The following HSPA12A variants were observed in gnomAD, a reference collection of about 807,000 sequenced individuals.
HSPA12A encodes heat shock protein family A (Hsp70) member 12A.
Under a neutral mutation model 69.2 loss-of-function variants are expected in HSPA12A, and 28 were observed. The observed-to-expected ratio is 0.40, with a 90% CI of 0.30 to 0.55. The LOEUF (loss-of-function observed/expected upper bound fraction) is 0.55. Among genes scored for constraint, HSPA12A ranks in the 20% least tolerant of loss-of-function variants. The probability of loss-of-function intolerance (pLI) is 0.38; values close to 1 mark genes in which losing one functional copy is unlikely to be tolerated. For synonymous variants in HSPA12A, 345 were observed against 370.5 expected, an observed-to-expected ratio of 0.93 and a Z score of 0.79; for missense variants, 686 against 900.7, an observed-to-expected ratio of 0.76 and a Z score of 3.05.
chr10:116,684,962 C>T (rs924297615), intron 6 of HSPA12A, among the ~76,000 whole-genome samples: 1 of 152,226 alleles, frequency 6.6e-6, no homozygotes, highest in South Asian at 2.1e-4. Flanking sequence ...TCCCTGGCAC[C>T]TCTCATGGCC....
upstream of HSPA12A, among the ~76,000 whole-genome samples, chr10:116,745,355 C>T (rs1048102467): frequency 2.6e-5 from 4 of 152,298 alleles, no homozygotes; most frequent in South Asian, 2.1e-4. Flanking sequence ...TCTCAGGGCA[C>T]GCCCAGACTC....
intron 2 of HSPA12A, among the ~76,000 whole-genome samples, chr10:116,800,470 A>G (rs1844931519): frequency 6.6e-6 from 1 of 152,104 alleles, no homozygotes; most frequent in Non-Finnish European, 1.5e-5. Context: ...CAGGGGTCTC[A>G]GCTCTCCCCG....
chr10:116,756,110 A>G (rs1484076953), intron 2 of HSPA12A, among the ~76,000 whole-genome samples: 10 of 152,218 alleles, frequency 6.6e-5, no homozygotes, highest in African/African-American at 2.4e-4. Context: ...CAGTTGTGCT[A>G]AGGTGGAGGG....
rs60912684 is a variant in HSPA12A at position 116,811,579 on chromosome 10, T to TA, written c.91+23355dup. ...AACTTGGATTCCTCTTTGCTTTTGT[T>TA]AAAAAAAAAAAAAAAAAAAAAAAAA... is the stretch of plus-strand genomic sequence containing the variant. On this transcript the variant is annotated intron_variant, in intron 2 of 12. Transcript: ENST00000635765. Among the ~76,000 whole-genome samples, 935 of 105,936 alleles carry TA rather than the reference T, an allele frequency of 8.8e-3. 8 individuals carry two copies. Among genetic ancestry groups the TA allele is most frequent in the African/African-American group, 0.018 (470 of 26,748 alleles). The allele number at this position is 105,936 out of a possible 152,430, so 69.5% of individuals were successfully genotyped here.
intron 2 of HSPA12A, among the ~76,000 whole-genome samples, chr10:116,765,884 C>A (rs1844066956): frequency 6.6e-6 from 1 of 152,214 alleles, no homozygotes; most frequent in South Asian, 2.1e-4. Context: ...AGGAACATAC[C>A]ATATGCTGTT....
chr10:116,821,663 G>A (rs965312138), intron 2 of HSPA12A, among the ~76,000 whole-genome samples: 2 of 152,204 alleles, frequency 1.3e-5, no homozygotes, highest in Non-Finnish European at 2.9e-5. Flanking sequence ...TATGATAGAT[G>A]TGAAATCATT....
chr10:116,711,699 C>G (rs1554883111), intron 1 of HSPA12A, among the ~76,000 whole-genome samples: 1 of 143,808 alleles, frequency 7.0e-6, no homozygotes, highest in South Asian at 2.2e-4. Context: ...GAGTCTCGCT[C>G]TGTCGCCCAG....
At chr10:116,756,673 C>CGTTT (rs1564809660) in intron 2 of HSPA12A, among the ~76,000 whole-genome samples, 1 of 152,066 alleles carries the variant, frequency 6.6e-6, no homozygotes, top group African/African-American at 2.4e-5. Flanking sequence ...CTTTGCAAAC[C>CGTTT]GTTTTGAAAG....
rs369979893 is a variant in HSPA12A at position 116,681,826 on chromosome 10, T to C, written c.887A>G (p.Asn296Ser). The stretch of plus-strand genomic sequence containing the variant: ...CTCGGACCAGATTTCTCCTATGACA[T>C]TCTCCACCAAAAAGGTCCGACTCTG... The part of the protein sequence containing the change: ...NRQSRTFLVE[N>S]VIGEIWSELE... Residue 296 changes from asparagine (N) to serine (S), a missense_variant, in exon 8 of 12, where the codon AAT becomes AGT. Physicochemically the swap from Asn to Ser is conservative, Grantham distance 46. Transcript: ENST00000369209. The C allele has an allele frequency of 4.3e-5, 70 of 1,614,174 alleles. No homozygotes were observed. The highest frequency in any genetic ancestry group is 5.6e-5 in the Non-Finnish European group (66 of 1,179,992).
chr10:116,785,539 C>G (rs1844556839), intron 2 of HSPA12A, among the ~76,000 whole-genome samples: 1 of 152,092 alleles, frequency 6.6e-6, no homozygotes, highest in Admixed American at 6.5e-5. Flanking sequence ...GGTTCTCCCT[C>G]TAAGCCTCCA....
At position 116,674,602 on chromosome 10, in the gene HSPA12A, C is replaced by T. The variant is rs1285967050; in HGVS notation, c.*179G>A. 2 of 639,388 alleles carry T rather than the reference C, an allele frequency of 3.1e-6. No homozygotes were observed. The highest frequency in any genetic ancestry group is 3.7e-5 in the African/African-American group (2 of 54,582). 39.6% of individuals were successfully genotyped at this position (639,388 alleles called of 1,614,324 possible). A position where few individuals can be genotyped will look rare whatever the true frequency, so the allele number is the denominator to read the frequency against. ...AACCTTAATCTTAATTTCTGTTTTTCTGACTCCAGTGTGCCCTCAAAAGTC... is the reference window on the plus strand; with the variant it reads ...AACCTTAATCTTAATTTCTGTTTTTTTGACTCCAGTGTGCCCTCAAAAGTC... On this transcript the variant is annotated 3_prime_UTR_variant, in exon 12 of 12. Coordinates refer to ENST00000369209, the MANE Select transcript of HSPA12A (RefSeq NM_025015.3).
At chr10:116,750,223 G>T (rs913110433) in intron 2 of HSPA12A, 2 of 749,020 alleles carry the variant, frequency 2.7e-6, no homozygotes, top group African/African-American at 1.7e-5. Context: ...TGGCCTGCAG[G>T]CTTCTCAATA....
chr10:116,786,210 A>G (rs1329862426), intron 2 of HSPA12A, among the ~76,000 whole-genome samples: 2 of 152,232 alleles, frequency 1.3e-5, no homozygotes, highest in African/African-American at 4.8e-5. Context: ...CCAGGGGCTG[A>G]GACACAGTGG....
chr10:116,810,078 C>T (rs535355147), intron 2 of HSPA12A, among the ~76,000 whole-genome samples: 103 of 152,280 alleles, frequency 6.8e-4, no homozygotes, highest in African/African-American at 2.3e-3. Flanking sequence ...AAATAAAACA[C>T]CCAGCCAGGT....
intron 2 of HSPA12A, among the ~76,000 whole-genome samples, chr10:116,772,889 A>C (rs1363533808): frequency 6.6e-6 from 1 of 151,950 alleles, no homozygotes; most frequent in African/African-American, 2.4e-5. Context: ...ATTTGTAAAG[A>C]CAGAGTCTCA....
rs1299898496 is a variant in HSPA12A, at chr10:116,691,488, ACT to A, written c.663+861_663+862del. 6.7e-4 allele frequency among the ~76,000 whole-genome samples: 102 copies of A among 152,126 alleles called. 1 individual carries two copies. The highest frequency in any genetic ancestry group is 2.4e-3 in the African/African-American group (101 of 41,490). ...GACAGTGGGGAGGGGACATCTAATG[ACT>A]CTGGTGACTTGCCACACAACCCAGC... On this transcript the variant is annotated intron_variant, in intron 6 of 11. Coordinates refer to ENST00000369209, the MANE Select transcript of HSPA12A (RefSeq NM_025015.3).
In HSPA12A at chr10:116,710,247, G is replaced by A. The variant is rs781594389; in HGVS notation, c.41-2962C>T. 4.6e-5 allele frequency among the ~76,000 whole-genome samples: 7 copies of A among 152,200 alleles called. No individual in the cohort carries two copies. The highest frequency in any genetic ancestry group is 1.9e-4 in the East Asian group (1 of 5,192). On this transcript the variant is annotated intron_variant, in intron 1 of 11. Transcript: ENST00000369209. This position sits in a 1 kb window ranked among gnomAD's most constrained non-coding sequence, Gnocchi z 4.1. ...TCCACCTGCTACCTGGAAGGCCTGC[G>A]CCATGTGTCCACATTTGCACAGACG...
At position 116,717,717 on chromosome 10, in the gene HSPA12A, G is replaced by A. The variant is rs185805844; in HGVS notation, c.41-10432C>T. On this transcript the variant is annotated intron_variant, in intron 1 of 11. Transcript: ENST00000369209. The stretch of plus-strand genomic sequence containing the variant: ...TCGTTCCAACTGCTGCTGAAAAAAC[G>A]ACCGTGTGCTTACACAATGACACAA... Among the ~76,000 whole-genome samples the A allele has an allele frequency of 2.0e-5, 3 of 152,192 alleles. No individual in the cohort carries two copies. The East Asian group carries it at 5.8e-4, about 29-fold the overall frequency.
chr10:116,774,192 G>T (rs556847766), intron 2 of HSPA12A, among the ~76,000 whole-genome samples: 5 of 152,162 alleles, frequency 3.3e-5, no homozygotes, highest in Non-Finnish European at 5.9e-5. Context: ...TGTATTTTTA[G>T]TAGAGACGGG....
Sources: gnomAD v4.1 joint callset for allele counts (sites outside exome capture counted in the v4.1 genomes callset) on GRCh38, gnomAD v4.1.1 for gene constraint, Gnocchi (gnomAD v3.1) non-coding constraint, MANE v1.5 for transcripts, NCBI Gene and HGNC (gene_info 2026-07-23, HGNC 2026-07-21) for gene names.